Variants in DMD observed in about 807,000 individuals in gnomAD.
The protein encoded by DMD is mutant dystrophin.
In DMD, 63 loss-of-function variants were observed where a neutral mutation model predicts 330.1. The ratio of observed to expected loss-of-function variants is 0.19; its 90% CI spans 0.16 to 0.24. The LOEUF (loss-of-function observed/expected upper bound fraction) is 0.24, where lower values mean the gene tolerates loss of function less well. DMD is among the 10% of genes least tolerant of loss of function. DMD has a pLI of 1.00. For synonymous variants in DMD, 1,223 were observed against 959.8 expected, an observed-to-expected ratio of 1.27 and a Z score of -5.07; for missense variants, 3,344 against 2,684.1, an observed-to-expected ratio of 1.25 and a Z score of -5.43.
intron 49 of DMD, among the ~76,000 whole-genome samples, chrX:31,831,186 G>C (rs1363763561): frequency 1.8e-5 from 2 of 111,668 alleles, no homozygotes; most frequent in African/African-American, 3.3e-5. Flanking sequence ...TTGTAATCTT[G>C]GCCAGAGGGC....
At chrX:31,982,661 A>G (rs2095483290) in intron 44 of DMD, among the ~76,000 whole-genome samples, 2 of 111,056 alleles carry the variant, frequency 1.8e-5, no homozygotes, top group Non-Finnish European at 1.9e-5. Context: ...AATCTTACCA[A>G]AACAAGGTAT....
chrX:32,523,187 T>C (rs1197986778), intron 17 of DMD, among the ~76,000 whole-genome samples: 1 of 111,263 alleles, frequency 9.0e-6, no homozygotes, highest in Non-Finnish European at 1.9e-5. Context: ...TATGGCACTT[T>C]GGCATGCTGA....
intron 7 of DMD, among the ~76,000 whole-genome samples, chrX:32,708,983 C>A (rs895993969): frequency 8.9e-6 from 1 of 112,036 alleles, no homozygotes; most frequent in South Asian, 3.7e-4. Flanking sequence ...ACGAACATCA[C>A]GCATTTGTGT....
At chrX:32,652,413 T>A (rs894428005) in intron 9 of DMD, among the ~76,000 whole-genome samples, 1 of 108,199 alleles carries the variant, frequency 9.2e-6, no homozygotes, top group Non-Finnish European at 1.9e-5. Flanking sequence ...TGCGTTAGCT[T>A]GCTGAGAATG....
chrX:32,992,470 T>C (rs1036884985), intron 2 of DMD, among the ~76,000 whole-genome samples: 8 of 111,866 alleles, frequency 7.2e-5, no homozygotes, highest in African/African-American at 2.3e-4. Context: ...TTAAGATGCA[T>C]GCTTTCATTA....
intron 25 of DMD, among the ~76,000 whole-genome samples, chrX:32,458,022 T>G (rs1490017164): frequency 9.0e-6 from 1 of 111,149 alleles, no homozygotes; most frequent in Non-Finnish European, 1.9e-5. Context: ...TAGATGAGGC[T>G]CTATACACCT....
At chrX:32,418,150 C>A in intron 29 of DMD, among the ~76,000 whole-genome samples, 1 of 111,037 alleles carries the variant, frequency 9.0e-6, no homozygotes, top group Non-Finnish European at 1.9e-5. Flanking sequence ...GGCCAGAAAG[C>A]AAAGGGATCT....
intron 29 of DMD, among the ~76,000 whole-genome samples, chrX:32,417,310 A>G (rs991192127): frequency 7.2e-4 from 80 of 110,646 alleles, no homozygotes; most frequent in African/African-American, 2.5e-3. Context: ...TTCTGAATTC[A>G]TGGCCCAGAG....
intron 52 of DMD, among the ~76,000 whole-genome samples, chrX:31,691,258 A>G (rs2083100983): frequency 9.0e-6 from 1 of 111,530 alleles, no homozygotes; most frequent in Non-Finnish European, 1.9e-5. Flanking sequence ...AGTATCCACA[A>G]AGCACAAACT....
At chrX:31,242,563 A>G (rs1191815601) in intron 63 of DMD, among the ~76,000 whole-genome samples, 1 of 111,291 alleles carries the variant, frequency 9.0e-6, no homozygotes, top group African/African-American at 3.3e-5. Flanking sequence ...ACGGTCTTGT[A>G]ACATTTATTA....
At chrX:31,740,298 T>C (rs1306688949) in intron 51 of DMD, among the ~76,000 whole-genome samples, 2 of 112,454 alleles carry the variant, frequency 1.8e-5, no homozygotes, top group Admixed American at 9.4e-5. Context: ...TCTATAAATT[T>C]GGCATATTAA....
chrX:32,200,695 A>G (rs2097031556), intron 44 of DMD, among the ~76,000 whole-genome samples: 1 of 111,943 alleles, frequency 8.9e-6, no homozygotes. Context: ...ATCAACTATA[A>G]TAAAACCATA....
intron 47 of DMD, among the ~76,000 whole-genome samples, chrX:31,915,851 A>G (rs978896199): frequency 8.9e-6 from 1 of 111,833 alleles, no homozygotes; most frequent in Non-Finnish European, 1.9e-5. Context: ...AACTTAATAG[A>G]TTGCAAGGTG....
intron 60 of DMD, among the ~76,000 whole-genome samples, chrX:31,440,595 C>T (rs1184205133): frequency 8.9e-6 from 1 of 112,021 alleles, no homozygotes. Context: ...GTTTCTAAGC[C>T]TCGGTTTCCT....
intron 2 of DMD, among the ~76,000 whole-genome samples, chrX:32,866,399 ATATT>A (rs764259237): frequency 1.2e-4 from 13 of 112,247 alleles, no homozygotes; most frequent in Admixed American, 3.8e-4. Flanking sequence ...ATACATATGA[ATATT>A]TGTTTCTACA....
At chrX:31,597,183 A>G (rs1253856375) in intron 55 of DMD, among the ~76,000 whole-genome samples, 1 of 112,067 alleles carries the variant, frequency 8.9e-6, no homozygotes. Flanking sequence ...GACGCTTACA[A>G]TCTAGTGAAG....
rs331315 is a variant in DMD at position 32,307,879 on chromosome X, T to A, written c.6117+2203A>T. ...AATATTGCTCTAAACTTCCAAAAAA[T>A]TGCAATTCTTCTAAAATTATGTACT... On this transcript the variant is annotated intron_variant, in intron 42 of 78. Transcript: ENST00000357033. 1.5e-4 allele frequency among the ~76,000 whole-genome samples: 17 copies of A among 110,617 alleles called. No individual in the cohort carries two copies. The East Asian group carries it at 4.6e-3, about 30-fold the overall frequency.
At chrX:32,045,568 T>C (rs185284259) in intron 44 of DMD, among the ~76,000 whole-genome samples, 1 of 110,762 alleles carries the variant, frequency 9.0e-6, no homozygotes, top group Admixed American at 9.6e-5. Context: ...TATTTCTTCA[T>C]AGCAATACAT....
At chrX:31,523,155 CG>C (rs1198030052) in intron 55 of DMD, among the ~76,000 whole-genome samples, 1 of 111,017 alleles carries the variant, frequency 9.0e-6, no homozygotes, top group Non-Finnish European at 1.9e-5. Context: ...CAAGTGATGC[CG>C]ATACTGCTAG....
Sources: gnomAD v4.1 joint callset for allele counts (sites outside exome capture counted in the v4.1 genomes callset) on GRCh38, gnomAD v4.1.1 for gene constraint, MANE v1.5 for transcripts, NCBI Gene and HGNC (gene_info 2026-07-23, HGNC 2026-07-21) for gene names.